Variants in USH2A observed in about 807,000 individuals in gnomAD.
USH2A encodes the protein Usher syndrome 2A (autosomal recessive, mild).
Under a neutral mutation model 538.9 loss-of-function variants are expected in USH2A, and 443 were observed. That is an observed-to-expected ratio of 0.82 (90% confidence interval 0.76 to 0.89). The LOEUF is 0.89. Ranked by LOEUF, USH2A falls within the 40% of genes least tolerant of loss-of-function variation. The pLI, the probability that USH2A is intolerant of heterozygous loss-of-function variation, is 0.00. For missense variants in USH2A, 6,633 were observed against 6,324.8 expected (o/e 1.05, Z -1.65); for synonymous variants, 2,413 against 2,273.5 (o/e 1.06, Z -1.75).
intron 64 of USH2A, among the ~76,000 whole-genome samples, chr1:215,655,294 A>G (rs1657206271): frequency 2.0e-5 from 3 of 152,250 alleles, no homozygotes; most frequent in Non-Finnish European, 2.9e-5. Flanking sequence ...TCATTCAAAT[A>G]AACACAATAA....
intron 19 of USH2A, among the ~76,000 whole-genome samples, chr1:216,192,573 A>G (rs955427763): frequency 4.0e-5 from 6 of 151,898 alleles, no homozygotes; most frequent in Non-Finnish European, 8.8e-5. Flanking sequence ...GTAGTGGCAC[A>G]CACCTGTAGT....
intron 11 of USH2A, among the ~76,000 whole-genome samples, chr1:216,256,505 G>A (rs535289153): frequency 9.7e-4 from 148 of 151,900 alleles, no homozygotes; most frequent in South Asian, 1.9e-3. Flanking sequence ...TCTTACAACG[G>A]TATACAATTG....
chr1:215,839,809 TA>T (rs1431655281), intron 46 of USH2A, among the ~76,000 whole-genome samples: 2 of 152,104 alleles, frequency 1.3e-5, no homozygotes, highest in Non-Finnish European at 2.9e-5. Flanking sequence ...TAAAACTGAA[TA>T]AAAATGAAAT....
At position 216,321,888 on chromosome 1, in the gene USH2A, G is replaced by A. The variant is rs974734574; in HGVS notation, c.1639C>T (p.Leu547Phe). The stretch of plus-strand genomic sequence containing the variant: ...ATGCATAAAATAGAACTCACATGAA[G>A]TCCTTCAGTGAAGCTCTCCTGGGAG... Reference protein sequence around the residue: ...LCSQESFTEGLHCDRCLPLYN... With the variant: ...LCSQESFTEGFHCDRCLPLYN... Residue 547 changes from leucine (L) to phenylalanine (F), a missense_variant, in exon 9 of 72, where the codon CTT becomes TTT. Transcript: ENST00000307340. The A allele has an allele frequency of 2.2e-5, 36 of 1,613,328 alleles. No homozygotes were observed. The highest frequency in any genetic ancestry group is 2.9e-5 in the Non-Finnish European group (34 of 1,179,592).
In USH2A at chr1:216,323,724, A is replaced by C. The variant is rs777793410; in HGVS notation, c.1329-29T>G. ...TTAATGAAAGAAATTCGATGTCATG[A>C]AAATCTATTCACATTTTTGGCAAAA... is the stretch of plus-strand genomic sequence containing the variant. On this transcript the variant is annotated intron_variant, in intron 7 of 71. Coordinates refer to ENST00000307340, the MANE Select transcript of USH2A (RefSeq NM_206933.4). The C allele has an allele frequency of 3.1e-6, 5 of 1,607,910 alleles. No homozygotes were observed. The African/African-American group carries it at 4.0e-5, about 13-fold the overall frequency.
intron 35 of USH2A, among the ~76,000 whole-genome samples, chr1:215,985,235 G>A (rs1476342854): frequency 6.6e-6 from 1 of 152,134 alleles, no homozygotes; most frequent in Non-Finnish European, 1.5e-5. Context: ...ATATCAAACA[G>A]TTATCTCTCC....
intron 16 of USH2A, among the ~76,000 whole-genome samples, chr1:216,201,006 TCCCTC>T (rs2034982678): frequency 7.9e-5 from 4 of 50,910 alleles, no homozygotes; most frequent in Non-Finnish European, 1.4e-4. Flanking sequence ...CCTCCCTCCC[TCCCTC>T]CCTTCCTTCC....
Position 215,675,280 on chromosome 1 carries a change from T to C in USH2A, c.12631A>G (p.Ile4211Val), listed in dbSNP as rs1657982213. Residue 4211 changes from isoleucine to valine, a missense_variant, in exon 63 of 72, where the codon ATT becomes GTT. Physicochemically the swap from Ile to Val is conservative, Grantham distance 29 (BLOSUM62 3). Coordinates refer to ENST00000307340, the MANE Select transcript of USH2A (RefSeq NM_206933.4). The part of the protein sequence containing the change: ...GNQTIQADEK[I>V]VFTEYNTERN... Reference sequence around the variant, plus strand: ...TCAGTGTTATATTCTGTGAAAACAATTTTCTCGTCGGCCTGGATTGTCTGA... The same window carrying C: ...TCAGTGTTATATTCTGTGAAAACAACTTTCTCGTCGGCCTGGATTGTCTGA... The C allele has an allele frequency of 4.3e-6, 7 of 1,614,110 alleles. No homozygotes were observed. Among genetic ancestry groups the C allele is most frequent in the Non-Finnish European group, 5.9e-6 (7 of 1,180,016 alleles).
chr1:216,102,996 G>C (rs2032628780), intron 21 of USH2A, among the ~76,000 whole-genome samples: 1 of 152,122 alleles, frequency 6.6e-6, no homozygotes, highest in Non-Finnish European at 1.5e-5. Flanking sequence ...ACAAACAACA[G>C]ATATAGCAAT....
chr1:216,239,980 T>C (rs145814927), intron 13 of USH2A, among the ~76,000 whole-genome samples: 91 of 138,560 alleles, frequency 6.6e-4, no homozygotes, highest in African/African-American at 2.4e-3. Context: ...TTGAATAATG[T>C]TTCCCTCCTG....
chr1:216,108,873 T>C (rs1456661324), intron 21 of USH2A, among the ~76,000 whole-genome samples: 8 of 152,094 alleles, frequency 5.3e-5, no homozygotes, highest in Non-Finnish European at 8.8e-5. Flanking sequence ...TACCTTTAAT[T>C]TTTTTTAAAT....
chr1:216,276,172 T>A (rs975872336), intron 11 of USH2A, among the ~76,000 whole-genome samples: 2 of 152,186 alleles, frequency 1.3e-5, no homozygotes, highest in African/African-American at 2.4e-5. Context: ...AATTAATAAC[T>A]GCTTTACCAG....
intron 3 of USH2A, among the ~76,000 whole-genome samples, chr1:216,381,323 T>C (rs2038918785): frequency 6.6e-6 from 1 of 152,150 alleles, no homozygotes. Flanking sequence ...AATGAAGCTA[T>C]AGAGGCACCA....
At chr1:215,873,332 G>A (rs1378566998) in intron 43 of USH2A, among the ~76,000 whole-genome samples, 4 of 152,100 alleles carry the variant, frequency 2.6e-5, no homozygotes, top group East Asian at 1.9e-4. Context: ...TGGTAGTCAC[G>A]GGAGAAGCTT....
At chr1:216,029,310 T>TTTTCTGC (rs1669037180) in intron 32 of USH2A, among the ~76,000 whole-genome samples, 1 of 152,042 alleles carries the variant, frequency 6.6e-6, no homozygotes, top group East Asian at 1.9e-4. Flanking sequence ...TAGAATATAC[T>TTTTCTGC]TTTCTGCACA....
chr1:216,146,955 C>T (rs2033718739), intron 21 of USH2A, among the ~76,000 whole-genome samples: 1 of 152,144 alleles, frequency 6.6e-6, no homozygotes, highest in Admixed American at 6.5e-5. Context: ...ACAGTAGTTC[C>T]AAATAGCCAG....
chr1:216,307,288 T>C (rs2037335842), intron 9 of USH2A, among the ~76,000 whole-genome samples: 1 of 151,950 alleles, frequency 6.6e-6, no homozygotes, highest in Admixed American at 6.6e-5. Flanking sequence ...GATGGAGTTA[T>C]GTTTCTAGGG....
intron 4 of USH2A, among the ~76,000 whole-genome samples, chr1:216,331,968 T>C (rs1277560193): frequency 6.6e-6 from 1 of 152,120 alleles, no homozygotes; most frequent in Non-Finnish European, 1.5e-5. Context: ...CTTGCAACAA[T>C]GTGGACAGTG....
intron 21 of USH2A, among the ~76,000 whole-genome samples, chr1:216,131,164 T>A (rs2033368756): frequency 1.3e-5 from 2 of 152,068 alleles, no homozygotes; most frequent in African/African-American, 4.8e-5. Flanking sequence ...TTGTTCATTT[T>A]TTTCTTGCTA....
Sources: gnomAD v4.1 joint callset for allele counts (sites outside exome capture counted in the v4.1 genomes callset) on GRCh38, gnomAD v4.1.1 for gene constraint, MANE v1.5 for transcripts, NCBI Gene and HGNC (gene_info 2026-07-23, HGNC 2026-07-21) for gene names.